The following KLC1 variants were observed in gnomAD, a reference collection of about 807,000 sequenced individuals.
The protein encoded by KLC1 is kinesin 2 60/70kDa.
A neutral mutation model predicts 84.2 loss-of-function variants in KLC1; 30 were observed. The ratio of observed to expected loss-of-function variants is 0.36; its 90% confidence interval spans 0.27 to 0.48. KLC1 has a LOEUF of 0.48. Among genes scored for constraint, KLC1 ranks in the 20% least tolerant of loss-of-function variants. The pLI, the probability that KLC1 is intolerant of heterozygous loss-of-function variation, is 0.99. For missense variants in KLC1, 499 were observed against 805.4 expected, an observed-to-expected ratio of 0.62 and a Z score of 4.60; for synonymous variants, 289 against 293.3, an observed-to-expected ratio of 0.99 and a Z score of 0.15.
chr14:103,643,423 A>G (rs2077644107), intron 1 of KLC1, among the ~76,000 whole-genome samples: 1 of 152,212 alleles, frequency 6.6e-6, no homozygotes, highest in Non-Finnish European at 1.5e-5. Context: ...GGTGTAAATC[A>G]TGTTGGCACG....
rs117362552 is a variant in KLC1 at position 103,653,089 on chromosome 14, G to A, written c.-1-1475G>A. Among the ~76,000 whole-genome samples the A allele has an allele frequency of 9.9e-3, 1,510 of 152,238 alleles. 26 individuals are homozygous for A. Among genetic ancestry groups the A allele is most frequent in the Non-Finnish European group, 0.013 (917 of 68,016 alleles). On this transcript the variant is annotated intron_variant, in intron 1 of 16. Coordinates refer to ENST00000334553, the MANE Select transcript of KLC1 (RefSeq NM_001394837.1). ...ACTACATGGACTTTCTGGGCCAGGA[G>A]CTGCCTCTAGAAGCTGTGGAGTCCT...
Position 103,638,520 on chromosome 14 carries a change from T to G in KLC1, c.-2+9026T>G, listed in dbSNP as rs545653335. Among the ~76,000 whole-genome samples, 3 of 123,958 alleles carry G rather than the reference T, an allele frequency of 2.4e-5. No individual in the cohort carries two copies. In the South Asian group the frequency reaches 7.5e-4, roughly 31 times the overall value. The allele number at this position is 123,958 out of a possible 152,430, so 81.3% of individuals were successfully genotyped here. A position where few individuals can be genotyped will look rare whatever the true frequency, so the allele number is the denominator to read the frequency against. Reference sequence around the variant, plus strand: ...CCTTTTCCCTTTTTAGTGCTTGGTGTTTTTTTTTTTTCTTAACTTTCTTCA... The same window carrying G: ...CCTTTTCCCTTTTTAGTGCTTGGTGGTTTTTTTTTTTCTTAACTTTCTTCA... On this transcript the variant is annotated intron_variant, in intron 1 of 16. Transcript: ENST00000334553.
intron 7 of KLC1, among the ~76,000 whole-genome samples, chr14:103,672,379 G>A (rs756404644): frequency 6.6e-6 from 1 of 152,126 alleles, no homozygotes; most frequent in Non-Finnish European, 1.5e-5. Context: ...TTTTCGATGC[G>A]GAGATTACAT....
At chr14:103,690,832 G>T (rs576755861) in intron 14 of KLC1, among the ~76,000 whole-genome samples, 10 of 152,340 alleles carry the variant, frequency 6.6e-5, no homozygotes, top group African/African-American at 2.4e-4. Flanking sequence ...AAATACATCA[G>T]ATGGAGGAAA....
intron 1 of KLC1, 69 bp from the exon 2 acceptor site, chr14:103,654,495 A>G (rs2078699182): frequency 3.8e-6 from 5 of 1,330,528 alleles, no homozygotes; most frequent in Admixed American, 5.0e-5. Flanking sequence ...AAATTTTCAT[A>G]TTTACTTGAT....
chr14:103,686,991 T>G, intron 13 of KLC1, 90 bp from the exon 14 acceptor site: 1 of 1,041,082 alleles, frequency 9.6e-7, no homozygotes. Flanking sequence ...CAGGGCGGCC[T>G]TGGTGGAGCT....
intron 11 of KLC1, 110 bp from the exon 12 acceptor site, chr14:103,677,305 T>C: frequency 1.4e-6 from 1 of 735,816 alleles, no homozygotes; most frequent in Non-Finnish European, 2.4e-6. Flanking sequence ...AAAGTTAAAA[T>C]ATATTCAAGC....
intron 15 of KLC1, chr14:103,696,430 C>T: frequency 1.0e-6 from 1 of 984,994 alleles, no homozygotes; most frequent in African/African-American, 1.7e-5. Flanking sequence ...CTTAGAAATT[C>T]AGTGTTTATA....
intron 1 of KLC1, among the ~76,000 whole-genome samples, chr14:103,651,350 C>T (rs1010061157): frequency 1.2e-4 from 19 of 152,050 alleles, no homozygotes; most frequent in Non-Finnish European, 2.8e-4. Flanking sequence ...GTTTGACCTA[C>T]GTGCATATAG....
chr14:103,636,884 A>G (rs1402387692), intron 1 of KLC1, among the ~76,000 whole-genome samples: 2 of 149,426 alleles, frequency 1.3e-5, no homozygotes, highest in East Asian at 2.0e-4. Context: ...CACCACGCCC[A>G]GCTAATTTTT....
chr14:103,678,131 C>T (rs2081064759), intron 12 of KLC1, among the ~76,000 whole-genome samples: 1 of 151,936 alleles, frequency 6.6e-6, no homozygotes, highest in Non-Finnish European at 1.5e-5. Flanking sequence ...AGTGCAGTGG[C>T]ACAAGCCTGT....
At chr14:103,634,757 T>C (rs2076929951) in intron 1 of KLC1, among the ~76,000 whole-genome samples, 2 of 152,020 alleles carry the variant, frequency 1.3e-5, no homozygotes, top group Admixed American at 1.3e-4. Context: ...TAAATATAGT[T>C]TATGTAGAGA....
At chr14:103,687,002 C>CT in intron 13 of KLC1, 79 bp from the exon 14 acceptor site, 1 of 1,251,788 alleles carries the variant, frequency 8.0e-7, no homozygotes, top group Non-Finnish European at 1.1e-6. Flanking sequence ...TGGTGGAGCT[C>CT]TTATTTGCAC....
chr14:103,656,806 G>T (rs1460109731), intron 2 of KLC1, among the ~76,000 whole-genome samples: 2 of 152,196 alleles, frequency 1.3e-5, no homozygotes, highest in Non-Finnish European at 2.9e-5. Flanking sequence ...AACCTAGGAG[G>T]ATAATAACCT....
intron 2 of KLC1, among the ~76,000 whole-genome samples, chr14:103,655,325 G>A (rs923321549): frequency 6.6e-6 from 1 of 152,156 alleles, no homozygotes; most frequent in Non-Finnish European, 1.5e-5. Context: ...TGATTGAGAT[G>A]GAGTTTTGCT....
rs1282352877 is a variant in KLC1 at position 103,687,069 on chromosome 14, C to T, written c.1651-12C>T. On this transcript the variant is annotated splice_polypyrimidine_tract_variant and intron_variant, in intron 13 of 16. Transcript: ENST00000334553. ...CCACCTGCAGCTTCACGTTTGTTCA[C>T]GTTTTTTTCAGGATGGCACTGGATC... The T allele has an allele frequency of 4.6e-6, 7 of 1,516,562 alleles. No homozygotes were observed. The highest frequency in any genetic ancestry group is 1.2e-5 in the South Asian group (1 of 82,412). The allele number at this position is 1,516,562 out of a possible 1,614,324, so 93.9% of individuals were successfully genotyped here.
chr14:103,664,255 G>T (rs2079554853), intron 5 of KLC1, among the ~76,000 whole-genome samples: 1 of 152,152 alleles, frequency 6.6e-6, no homozygotes, highest in Non-Finnish European at 1.5e-5. Flanking sequence ...GAGTTCAAGT[G>T]ATTCTCCTGC....
intron 5 of KLC1, among the ~76,000 whole-genome samples, chr14:103,666,840 C>T (rs1351629769): frequency 6.9e-6 from 1 of 144,362 alleles, no homozygotes; most frequent in South Asian, 2.2e-4. Context: ...GCAATGGCAT[C>T]ATCTTGGCTC....
At position 103,694,267 on chromosome 14, in the gene KLC1, T is replaced by G; in HGVS notation, c.1848+1842T>G. On this transcript the variant is annotated intron_variant, in intron 15 of 16. Coordinates refer to ENST00000334553, the MANE Select transcript of KLC1 (RefSeq NM_001394837.1). The surrounding 1 kb of genome is among the most constrained non-coding windows in gnomAD (Gnocchi z 4.5). ...GTGTTTCACTTTTTTTTTTTTTTTT[T>G]TTGAGACGGAGTCTAACTCTGTTGC... is the stretch of plus-strand genomic sequence containing the variant. 2 of 980,900 alleles carry G rather than the reference T, an allele frequency of 2.0e-6. No homozygotes were observed. Among genetic ancestry groups the G allele is most frequent in the Non-Finnish European group, 2.4e-6 (2 of 826,722 alleles). The allele number at this position is 980,900 out of a possible 1,614,324, so 60.8% of individuals were successfully genotyped here.
Sources: allele counts gnomAD v4.1 joint callset (sites outside exome capture counted in the v4.1 genomes callset), GRCh38; gene constraint gnomAD v4.1.1; non-coding constraint Gnocchi (gnomAD v3.1); transcripts MANE v1.5; gene names NCBI Gene and HGNC (gene_info 2026-07-23, HGNC 2026-07-21).